The following CACNA2D3 variants were observed in gnomAD, a reference collection of about 807,000 sequenced individuals.
CACNA2D3 encodes calcium voltage-gated channel auxiliary subunit alpha2delta 3.
In CACNA2D3, 60 loss-of-function variants were observed where a neutral mutation model predicts 160.6. The observed-to-expected ratio is 0.37, with a 90% confidence interval of 0.30 to 0.46. The LOEUF (loss-of-function observed/expected upper bound fraction) is 0.46. Among genes scored for constraint, CACNA2D3 ranks in the 20% least tolerant of loss-of-function variants. The probability of loss-of-function intolerance (pLI) is 1.00; values close to 1 mark genes in which losing one functional copy is unlikely to be tolerated. For synonymous variants in CACNA2D3, 558 were observed against 492.9 expected (o/e 1.13, Z -1.75); for missense variants, 1,205 against 1,365.0 (o/e 0.88, Z 1.85).
At chr3:54,666,408 A>T (rs1392509725) in intron 11 of CACNA2D3, among the ~76,000 whole-genome samples, 4 of 152,234 alleles carry the variant, frequency 2.6e-5, no homozygotes, top group Non-Finnish European at 4.4e-5. Context: ...TCTTAGCAGT[A>T]GATTGTTCCC....
Position 54,280,664 on chromosome 3 carries a change from C to A in CACNA2D3, c.205-39778C>A, listed in dbSNP as rs370548234. Reference sequence around the variant, plus strand: ...TGCCACGCAGCCTCATACAGTTTCCCCCTCAAGTTTAGCAATAACAACCCT... The same window carrying A: ...TGCCACGCAGCCTCATACAGTTTCCACCTCAAGTTTAGCAATAACAACCCT... On this transcript the variant is annotated intron_variant, in intron 2 of 37. Coordinates refer to ENST00000474759, the MANE Select transcript of CACNA2D3 (RefSeq NM_018398.3). Among the ~76,000 whole-genome samples the A allele has an allele frequency of 2.4e-3, 359 of 152,256 alleles. 17 individuals carry two copies. The South Asian group carries it at 0.073, about 31-fold the overall frequency.
At chr3:54,299,557 G>T (rs1270177093) in intron 2 of CACNA2D3, among the ~76,000 whole-genome samples, 1 of 152,190 alleles carries the variant, frequency 6.6e-6, no homozygotes. Context: ...AAGCGTAATG[G>T]TAACAAGGAA....
intron 14 of CACNA2D3, among the ~76,000 whole-genome samples, chr3:54,821,676 CTTTCTTTCTTTCTTTCTTTCT>C (rs1559594908): frequency 6.1e-4 from 77 of 126,408 alleles, no homozygotes; most frequent in African/African-American, 1.8e-3. Context: ...TTCTTTCTTT[CTTTCTTTCTTTCTTTCTTTCT>C]TTCCTTCCTT....
At chr3:54,836,903 C>CA in intron 14 of CACNA2D3, among the ~76,000 whole-genome samples, 2 of 152,144 alleles carry the variant, frequency 1.3e-5, no homozygotes, top group Non-Finnish European at 2.9e-5. Context: ...CTCTTTGAAC[C>CA]AAAGTGGCTG....
At chr3:54,755,572 G>T (rs916688374) in intron 12 of CACNA2D3, among the ~76,000 whole-genome samples, 1 of 152,082 alleles carries the variant, frequency 6.6e-6, no homozygotes, top group Non-Finnish European at 1.5e-5. Flanking sequence ...TCACTAAAAG[G>T]TATCAATAAT....
chr3:54,816,927 C>G, intron 14 of CACNA2D3, 57 bp downstream of exon 14: 1 of 1,580,446 alleles, frequency 6.3e-7, no homozygotes, highest in Non-Finnish European at 8.7e-7. Context: ...TCATGCATGC[C>G]TCCATGGTGT....
intron 30 of CACNA2D3, 92 bp downstream of exon 30, chr3:54,984,762 A>G (rs1309498520): frequency 3.9e-6 from 3 of 773,336 alleles, no homozygotes; most frequent in Non-Finnish European, 6.5e-6. Context: ...CTTGGAGACA[A>G]TGATCTTTAT....
At chr3:54,380,793 G>A (rs1318634161) in intron 3 of CACNA2D3, among the ~76,000 whole-genome samples, 1 of 152,182 alleles carries the variant, frequency 6.6e-6, no homozygotes, top group East Asian at 1.9e-4. Context: ...ATGCCGCTCT[G>A]GGTATGGTTG....
intron 4 of CACNA2D3, among the ~76,000 whole-genome samples, chr3:54,432,385 A>G (rs1031097130): frequency 1.3e-5 from 2 of 152,222 alleles, no homozygotes; most frequent in African/African-American, 2.4e-5. Context: ...TTATCAATAT[A>G]TAACTAGAGC....
At chr3:54,922,984 T>A (rs1700897426) in intron 27 of CACNA2D3, among the ~76,000 whole-genome samples, 1 of 152,168 alleles carries the variant, frequency 6.6e-6, no homozygotes, top group African/African-American at 2.4e-5. Context: ...TCCAAGTATC[T>A]CCCAGCATTG....
intron 35 of CACNA2D3, among the ~76,000 whole-genome samples, chr3:55,040,420 T>G (rs762648026): frequency 6.6e-6 from 1 of 152,198 alleles, no homozygotes; most frequent in Admixed American, 6.5e-5. Context: ...ATATCAATAT[T>G]GTTGCTAAAA....
intron 12 of CACNA2D3, among the ~76,000 whole-genome samples, chr3:54,762,489 G>C (rs1016755572): frequency 6.6e-6 from 1 of 152,156 alleles, no homozygotes; most frequent in Admixed American, 6.5e-5. Context: ...GTAATTGTCT[G>C]TTTACTCAGA....
At chr3:54,259,869 C>T (rs890765949) in intron 2 of CACNA2D3, among the ~76,000 whole-genome samples, 1 of 152,226 alleles carries the variant, frequency 6.6e-6, no homozygotes, top group Non-Finnish European at 1.5e-5. Context: ...TGCATTCTAG[C>T]TGTTGGCTTT....
intron 2 of CACNA2D3, among the ~76,000 whole-genome samples, chr3:54,275,090 G>A (rs1269087800): frequency 6.6e-6 from 1 of 152,246 alleles, no homozygotes; most frequent in African/African-American, 2.4e-5. Context: ...GTGCTGGACT[G>A]CATGCCGTCT....
intron 2 of CACNA2D3, among the ~76,000 whole-genome samples, chr3:54,267,094 G>A (rs1177015358): frequency 2.0e-5 from 3 of 152,134 alleles, no homozygotes; most frequent in Non-Finnish European, 4.4e-5. Flanking sequence ...AAAAATACGA[G>A]TTTTATTAAA....
chr3:54,739,425 C>CCA (rs1701597565), intron 11 of CACNA2D3, among the ~76,000 whole-genome samples: 1 of 85,324 alleles, frequency 1.2e-5, no homozygotes. Flanking sequence ...GACTCTGTCT[C>CCA]AAAAAAAAAA....
chr3:54,164,555 G>T (rs547714226), intron 2 of CACNA2D3, among the ~76,000 whole-genome samples: 1 of 152,292 alleles, frequency 6.6e-6, no homozygotes, highest in Admixed American at 6.5e-5. Flanking sequence ...CAGCTCTTAA[G>T]CCTTGGGAGG....
intron 4 of CACNA2D3, among the ~76,000 whole-genome samples, chr3:54,454,309 A>G (rs1489641279): frequency 6.6e-6 from 1 of 152,182 alleles, no homozygotes; most frequent in African/African-American, 2.4e-5. Context: ...TGTAGCCAAC[A>G]TCAAAATCAT....
At position 54,537,317 on chromosome 3, in the gene CACNA2D3, A is replaced by G. The variant is rs534519840; in HGVS notation, c.545-25483A>G. ...GCAAGTGGGCTCTGGACTAGAGGGC[A>G]TGGTTAAATTCTTGCCCTCACCTCT... On this transcript the variant is annotated intron_variant, in intron 5 of 37. Coordinates refer to ENST00000474759, the MANE Select transcript of CACNA2D3 (RefSeq NM_018398.3). Among the ~76,000 whole-genome samples the G allele has an allele frequency of 7.0e-4, 106 of 152,268 alleles. 1 individual carries two copies. The highest frequency in any genetic ancestry group is 1.3e-3 in the Admixed American group (20 of 15,300).
Sources: allele counts gnomAD v4.1 joint callset (sites outside exome capture counted in the v4.1 genomes callset), GRCh38; gene constraint gnomAD v4.1.1; transcripts MANE v1.5; gene names NCBI Gene and HGNC (gene_info 2026-07-23, HGNC 2026-07-21).